The following MIOS variants were observed in gnomAD, a reference collection of about 807,000 sequenced individuals.
MIOS encodes the protein meiosis regulator for oocyte development.
Under a neutral mutation model 96.9 loss-of-function variants are expected in MIOS, and 52 were observed. That is an observed-to-expected ratio of 0.54 (90% CI 0.43 to 0.68). The LOEUF is 0.68. Among genes scored for constraint, MIOS ranks in the 30% least tolerant of loss-of-function variants. MIOS has a pLI of 0.00. For synonymous variants in MIOS, 397 were observed against 359.5 expected (o/e 1.10, Z -1.18); for missense variants, 1,005 against 1,052.8 (o/e 0.95, Z 0.63).
chr7:7,593,706 C>T (rs1474612927), intron 9 of MIOS, among the ~76,000 whole-genome samples: 2 of 143,004 alleles, frequency 1.4e-5, no homozygotes, highest in Admixed American at 6.8e-5. Flanking sequence ...CCAGCCTGGC[C>T]AACATGGTGA....
chr7:7,573,095 A>G lies in MIOS; in HGVS notation c.620A>G (p.Asn207Ser). Residue 207 changes from asparagine to serine, a missense_variant, in exon 4 of 13, where the codon AAC (asparagine) becomes AGC (serine). Asn to Ser is a conservative substitution (Grantham distance 46, BLOSUM62 1). This residue lies in a region of MIOS where 865 missense variants were observed against 887.9 expected (regional missense o/e 0.97). Coordinates refer to ENST00000340080, the MANE Select transcript of MIOS (RefSeq NM_019005.4). The surrounding 1 kb of genome is among the most constrained non-coding windows in gnomAD (Gnocchi z 5.0). ...CTTCTCCTTGCTGGTATGCATCGTAACCTAGCTATATTTGATCTTCGGAAT... is the reference window on the plus strand; with the variant it reads ...CTTCTCCTTGCTGGTATGCATCGTAGCCTAGCTATATTTGATCTTCGGAAT... ...QKLLLAGMHR[N>S]LAIFDLRNTS... 1 of 1,614,092 alleles carries G rather than the reference A, an allele frequency of 6.2e-7. No homozygotes were observed. Among genetic ancestry groups the G allele is most frequent in the Non-Finnish European group, 8.5e-7 (1 of 1,179,982 alleles).
At chr7:7,586,927 G>T (rs1396239273) in intron 7 of MIOS, among the ~76,000 whole-genome samples, 1 of 150,534 alleles carries the variant, frequency 6.6e-6, no homozygotes, top group East Asian at 1.9e-4. Context: ...GATGTATATT[G>T]TTTAAATATT....
chr7:7,599,383 T>C (rs1459003193), intron 11 of MIOS, among the ~76,000 whole-genome samples: 1 of 152,202 alleles, frequency 6.6e-6, no homozygotes, highest in Non-Finnish European at 1.5e-5. Flanking sequence ...CTGAAACACA[T>C]CTAAACCCCC....
rs1439142093 is a variant in MIOS at position 7,572,814 on chromosome 7, A to G, written c.339A>G (p.Ala113=). 6.2e-7 allele frequency: 1 copy of G among 1,614,184 alleles called. No homozygotes were observed. The highest frequency in any genetic ancestry group is 2.2e-5 in the East Asian group (1 of 44,888). The change falls in exon 4 of 13, where the codon GCA becomes GCG. Residue 113 remains alanine (A), a synonymous_variant. Coordinates refer to ENST00000340080, the MANE Select transcript of MIOS (RefSeq NM_019005.4). The surrounding 1 kb of genome is among the most constrained non-coding windows in gnomAD (Gnocchi z 4.8). Reference sequence around the variant, plus strand: ...GAAAAGAGTTTGTTCCAAAACATGCACGACAATGTAATACCCTTGCCTGGA... The same window carrying G: ...GAAAAGAGTTTGTTCCAAAACATGCGCGACAATGTAATACCCTTGCCTGGA... The part of the protein sequence containing the change: ...LIGKEFVPKH[A]RQCNTLAWNP...
intron 9 of MIOS, among the ~76,000 whole-genome samples, chr7:7,591,498 T>C (rs1174927693): frequency 6.6e-6 from 1 of 152,032 alleles, no homozygotes; most frequent in African/African-American, 2.4e-5. Flanking sequence ...CAGGCTGGTC[T>C]CAAACTCCTG....
intron 11 of MIOS, among the ~76,000 whole-genome samples, chr7:7,600,424 A>T (rs546810769): frequency 4.6e-5 from 7 of 152,314 alleles, no homozygotes; most frequent in Admixed American, 1.3e-4. Flanking sequence ...TGCAATCCTG[A>T]TCTCAGATAA....
intron 12 of MIOS, 77 bp from the exon 13 acceptor site, chr7:7,606,918 TC>T: frequency 8.6e-7 from 1 of 1,157,128 alleles, no homozygotes; most frequent in Non-Finnish European, 1.3e-6. Flanking sequence ...AGACCCTGTC[TC>T]TTAAAAAATA....
At chr7:7,591,376 C>G (rs1784044503) in intron 9 of MIOS, among the ~76,000 whole-genome samples, 2 of 149,958 alleles carry the variant, frequency 1.3e-5, no homozygotes, top group Non-Finnish European at 3.0e-5. Flanking sequence ...AGCCTCCAGG[C>G]TCAAGCAATC....
intron 10 of MIOS, 25 bp from the exon 11 acceptor site, chr7:7,596,232 A>AT (rs1563039374): frequency 1.2e-6 from 2 of 1,602,322 alleles, no homozygotes; most frequent in South Asian, 1.1e-5. Flanking sequence ...CATTACATTT[A>AT]TTTTTTCTTT....
intron 9 of MIOS, among the ~76,000 whole-genome samples, chr7:7,590,333 T>C (rs1010639292): frequency 1.2e-4 from 18 of 152,142 alleles, no homozygotes; most frequent in Non-Finnish European, 2.5e-4. Context: ...CCACTGCCCA[T>C]GGAAGAAAAA....
intron 11 of MIOS, among the ~76,000 whole-genome samples, chr7:7,597,040 T>C (rs1241680370): frequency 1.3e-5 from 2 of 151,974 alleles, no homozygotes; most frequent in African/African-American, 4.8e-5. Context: ...ATAAAAAATT[T>C]TTTTGGCCGG....
At chr7:7,580,983 G>A (rs924022065) in intron 5 of MIOS, among the ~76,000 whole-genome samples, 4 of 149,016 alleles carry the variant, frequency 2.7e-5, no homozygotes, top group Admixed American at 2.0e-4. Flanking sequence ...CACGGTGCCT[G>A]GCCTAAAATT....
intron 9 of MIOS, among the ~76,000 whole-genome samples, chr7:7,593,552 A>T (rs1211732446): frequency 1.3e-5 from 2 of 152,128 alleles, no homozygotes; most frequent in African/African-American, 4.8e-5. Context: ...TTTCTCCATT[A>T]TGTAAAGTTA....
At chr7:7,602,064 G>A (rs979962325) in intron 11 of MIOS, among the ~76,000 whole-genome samples, 10 of 152,150 alleles carry the variant, frequency 6.6e-5, no homozygotes, top group African/African-American at 2.2e-4. Flanking sequence ...GTATTGATGG[G>A]ATGTATCACG....
At chr7:7,577,029 G>A (rs1243765949) in intron 5 of MIOS, among the ~76,000 whole-genome samples, 1 of 152,138 alleles carries the variant, frequency 6.6e-6, no homozygotes, top group African/African-American at 2.4e-5. Flanking sequence ...ACGTCCATTG[G>A]GCAATAGGAT....
intron 6 of MIOS, among the ~76,000 whole-genome samples, chr7:7,583,735 A>C (rs1047425156): frequency 6.6e-6 from 1 of 152,172 alleles, no homozygotes; most frequent in Non-Finnish European, 1.5e-5. Context: ...TTTACGATCC[A>C]TATTTGAGTG....
chr7:7,585,708 A>G lies in MIOS; in HGVS notation c.1721A>G (p.Glu574Gly), dbSNP rs1157908567. Residue 574 changes from glutamate (E) to glycine (G), a missense_variant, in exon 7 of 13, where the codon GAA becomes GGA. Transcript: ENST00000340080. ...GATGAGAAGAACTCCCTTTGGAGAGAAATGTGTAGCACACTGCGATTACAG... is the reference window on the plus strand; with the variant it reads ...GATGAGAAGAACTCCCTTTGGAGAGGAATGTGTAGCACACTGCGATTACAG... ...YTDEKNSLWR[E>G]MCSTLRLQLN... is the part of the protein sequence containing the mutation. The G allele has an allele frequency of 6.2e-7, 1 of 1,611,878 alleles. No individual in the cohort carries two copies. The highest frequency in any genetic ancestry group is 1.1e-5 in the South Asian group (1 of 90,806).
intron 5 of MIOS, among the ~76,000 whole-genome samples, chr7:7,579,285 C>T (rs887356794): frequency 3.3e-5 from 5 of 152,122 alleles, no homozygotes; most frequent in Non-Finnish European, 5.9e-5. Flanking sequence ...ATAAAAAGAT[C>T]TCTAAGCAGA....
chr7:7,573,903 T>C lies in MIOS; in HGVS notation c.1294+134T>C. On this transcript the variant is annotated intron_variant, in intron 4 of 12. Coordinates refer to ENST00000340080, the MANE Select transcript of MIOS (RefSeq NM_019005.4). This position sits in a 1 kb window ranked among gnomAD's most constrained non-coding sequence, Gnocchi z 5.0. ...GTTACATAATACTAACATTATAAAG[T>C]AAAATTGTTCTAAACTTTCGAACTT... 9.5e-7 allele frequency: 1 copy of C among 1,049,084 alleles called. No homozygotes were observed. Among genetic ancestry groups the C allele is most frequent in the Non-Finnish European group, 1.4e-6 (1 of 730,866 alleles). 65.0% of individuals were successfully genotyped at this position (1,049,084 alleles called of 1,614,324 possible). A position where few individuals can be genotyped will look rare whatever the true frequency, so the allele number is the denominator to read the frequency against.
Sources: gnomAD v4.1 joint callset for allele counts (sites outside exome capture counted in the v4.1 genomes callset) on GRCh38, gnomAD v4.1.1 for gene constraint, gnomAD v4.1.1 regional missense constraint, Gnocchi (gnomAD v3.1) non-coding constraint, MANE v1.5 for transcripts, NCBI Gene and HGNC (gene_info 2026-07-23, HGNC 2026-07-21) for gene names.